NLGN1: variants seen among roughly 807,000 people sequenced by gnomAD.
NLGN1 encodes neuroligin 1, also known as neuroligin-1.
NLGN1 carries 12 observed loss-of-function variants against 65.5 expected under a neutral mutation model. That is an observed-to-expected ratio of 0.18 (90% CI 0.12 to 0.30). The LOEUF (loss-of-function observed/expected upper bound fraction) is 0.30. NLGN1 is among the 10% of genes least tolerant of loss of function. The probability of loss-of-function intolerance (pLI) is 1.00; values close to 1 mark genes in which losing one functional copy is unlikely to be tolerated. For missense variants in NLGN1, 750 were observed against 1,007.1 expected, an observed-to-expected ratio of 0.74 and a Z score of 3.46; for synonymous variants, 350 against 359.5, an observed-to-expected ratio of 0.97 and a Z score of 0.30.
chr3:173,783,850 A>G (rs1387044442), intron 3 of NLGN1, among the ~76,000 whole-genome samples: 2 of 152,078 alleles, frequency 1.3e-5, no homozygotes, highest in South Asian at 4.1e-4. Context: ...CCTGACCTCA[A>G]CTGATCTGCC....
At chr3:173,658,827 T>A (rs570937972) in intron 3 of NLGN1, among the ~76,000 whole-genome samples, 6 of 152,150 alleles carry the variant, frequency 3.9e-5, no homozygotes, top group South Asian at 2.1e-4. Flanking sequence ...CTTTGCATGT[T>A]CTATAATGTA....
chr3:174,216,336 C>A (rs1243781422), intron 4 of NLGN1, among the ~76,000 whole-genome samples: 1 of 152,098 alleles, frequency 6.6e-6, no homozygotes, highest in Non-Finnish European at 1.5e-5. Flanking sequence ...AAAGAACCCA[C>A]GAAATTACAA....
At chr3:173,585,506 C>G (rs1409594999) in intron 2 of NLGN1, among the ~76,000 whole-genome samples, 1 of 152,118 alleles carries the variant, frequency 6.6e-6, no homozygotes, top group Non-Finnish European at 1.5e-5. Context: ...TACCCCTTCC[C>G]GCTTCCCGCT....
intron 2 of NLGN1, among the ~76,000 whole-genome samples, chr3:173,554,130 TA>T (rs200760791): frequency 0.023 from 3,573 of 152,284 alleles, 56 homozygotes; most frequent in Middle Eastern, 0.048. Context: ...ACTTTATTTT[TA>T]AAATCTATGT....
chr3:173,596,466 A>T (rs544651449), intron 2 of NLGN1, among the ~76,000 whole-genome samples: 43 of 152,322 alleles, frequency 2.8e-4, no homozygotes, highest in African/African-American at 1.0e-3. Context: ...GTTTTATTGA[A>T]GGATGTTACT....
intron 2 of NLGN1, among the ~76,000 whole-genome samples, chr3:173,500,693 TG>T (rs1249076476): frequency 6.6e-6 from 1 of 151,990 alleles, no homozygotes; most frequent in Non-Finnish European, 1.5e-5. Context: ...GGACATTTTT[TG>T]GTTGGTAAGC....
At chr3:174,040,475 T>A (rs1560902094) in intron 4 of NLGN1, among the ~76,000 whole-genome samples, 1 of 152,092 alleles carries the variant, frequency 6.6e-6, no homozygotes. Context: ...TAACTGACAC[T>A]CATTAAAGAC....
At chr3:173,527,588 A>G (rs35788354) in intron 2 of NLGN1, among the ~76,000 whole-genome samples, 56,909 of 151,944 alleles carry the variant, frequency 0.37, 12,642 homozygotes, top group East Asian at 0.82. Context: ...TAGTAGAGGC[A>G]AAGTTTCACC....
At position 173,747,187 on chromosome 3, in the gene NLGN1, A is replaced by AAT. The variant is rs1028802011; in HGVS notation, c.494-60483_494-60482dup. Among the ~76,000 whole-genome samples the AAT allele has an allele frequency of 2.7e-5, 4 of 147,216 alleles. No individual in the cohort carries two copies. In the South Asian group the frequency reaches 6.3e-4, roughly 23 times the overall value. ...TGTTTTTGAGACAGCGTCTCAAAACAATATATATATAATATATATATCTTT... is the reference window on the plus strand; with the variant it reads ...TGTTTTTGAGACAGCGTCTCAAAACAATATATATATATAATATATATATCTTT... On this transcript the variant is annotated intron_variant, in intron 3 of 6. Transcript: ENST00000457714.
rs748911027 is a variant in NLGN1, at chr3:174,234,985, C to CTTTTTTTTTTTTTT, written c.647-40313_647-40300dup. Among the ~76,000 whole-genome samples, 25 of 65,750 alleles carry CTTTTTTTTTTTTTT rather than the reference C, an allele frequency of 3.8e-4. 6 individuals carry two copies. In the South Asian group the frequency reaches 5.5e-3, roughly 15 times the overall value. The allele number at this position is 65,750 out of a possible 152,430, so 43.1% of individuals were successfully genotyped here. A position where few individuals can be genotyped will look rare whatever the true frequency, so the allele number is the denominator to read the frequency against. Reference sequence around the variant, plus strand: ...GAGCTTTGTAAAATAAAGGAATCACCTTTTTTTTTTTTTTTTTTTTTTTTT... The same window carrying CTTTTTTTTTTTTTT: ...GAGCTTTGTAAAATAAAGGAATCACCTTTTTTTTTTTTTTTTTTTTTTTTTTTTTTTTTTTTTTT... On this transcript the variant is annotated intron_variant, in intron 4 of 6. Coordinates refer to ENST00000457714, the Ensembl canonical transcript of NLGN1.
At chr3:173,833,183 G>A (rs572323107) in intron 4 of NLGN1, among the ~76,000 whole-genome samples, 1 of 152,290 alleles carries the variant, frequency 6.6e-6, no homozygotes, top group African/African-American at 2.4e-5. Flanking sequence ...TGCATTGCAA[G>A]AGATTGAACC....
At chr3:173,882,299 C>T (rs1412766487) in intron 4 of NLGN1, among the ~76,000 whole-genome samples, 1 of 152,144 alleles carries the variant, frequency 6.6e-6, no homozygotes, top group African/African-American at 2.4e-5. Flanking sequence ...TGGGAATTGG[C>T]TTCATCTTAA....
intron 4 of NLGN1, among the ~76,000 whole-genome samples, chr3:174,156,240 G>A (rs1021402709): frequency 6.6e-6 from 1 of 151,844 alleles, no homozygotes; most frequent in African/African-American, 2.4e-5. Flanking sequence ...AAGCCAGTTA[G>A]CTGACTTAAT....
intron 2 of NLGN1, among the ~76,000 whole-genome samples, chr3:173,447,066 G>T (rs910520715): frequency 3.9e-5 from 6 of 152,104 alleles, no homozygotes; most frequent in East Asian, 1.9e-4. Context: ...CTCTTTAGTT[G>T]AATTAGAACC....
At chr3:173,693,553 A>G (rs1379297774) in intron 3 of NLGN1, among the ~76,000 whole-genome samples, 2 of 152,066 alleles carry the variant, frequency 1.3e-5, no homozygotes, top group Admixed American at 1.3e-4. Flanking sequence ...CACACTTGAC[A>G]ACCTGCTTAT....
At chr3:174,002,423 C>T (rs1016246849) in intron 4 of NLGN1, among the ~76,000 whole-genome samples, 6 of 152,110 alleles carry the variant, frequency 3.9e-5, no homozygotes, top group African/African-American at 7.2e-5. Context: ...CCACCATGCT[C>T]GGATTAAAAT....
intron 4 of NLGN1, among the ~76,000 whole-genome samples, chr3:173,987,858 C>T (rs1720282358): frequency 6.6e-6 from 1 of 152,136 alleles, no homozygotes; most frequent in African/African-American, 2.4e-5. Context: ...CTTGTATTGA[C>T]AACTAATGAA....
intron 4 of NLGN1, among the ~76,000 whole-genome samples, chr3:174,033,026 G>A (rs1844878): frequency 0.27 from 40,526 of 151,512 alleles, 6,489 homozygotes; most frequent in African/African-American, 0.44. Context: ...CTATATCTAT[G>A]TCTATATATA....
At chr3:173,780,937 C>G (rs1044767075) in intron 3 of NLGN1, among the ~76,000 whole-genome samples, 2 of 151,812 alleles carry the variant, frequency 1.3e-5, no homozygotes, top group African/African-American at 4.8e-5. Flanking sequence ...GTCAGGAGAT[C>G]GAGACCATCA....
Sources: allele counts gnomAD v4.1 joint callset (sites outside exome capture counted in the v4.1 genomes callset), GRCh38; gene constraint gnomAD v4.1.1; transcripts MANE v1.5; gene names NCBI Gene and HGNC (gene_info 2026-07-23, HGNC 2026-07-21).